Variants in CHD5 observed in about 807,000 individuals in gnomAD.
The protein encoded by CHD5 is chromodomain helicase DNA binding protein 5, also known as ATP-dependent chromatin remodeler CHD5.
In CHD5, 69 loss-of-function variants were observed where a neutral mutation model predicts 230.3. The ratio of observed to expected loss-of-function variants is 0.30; its 90% confidence interval spans 0.25 to 0.37. The LOEUF is 0.37. Ranked by LOEUF, CHD5 falls within the 10% of genes least tolerant of loss-of-function variation. The pLI is 1.00. For synonymous variants in CHD5, 1,064 were observed against 1,065.9 expected, an observed-to-expected ratio of 1.00 and a Z score of 0.03; for missense variants, 1,827 against 2,622.8, an observed-to-expected ratio of 0.70 and a Z score of 6.63.
At position 6,150,898 on chromosome 1, in the gene CHD5, C is replaced by T. The variant is rs962608670; in HGVS notation, c.994+134G>A. 7 of 1,171,488 alleles carry T rather than the reference C, an allele frequency of 6.0e-6. No homozygotes were observed. The African/African-American group carries it at 6.3e-5, about 11-fold the overall frequency. 72.6% of individuals were successfully genotyped at this position (1,171,488 alleles called of 1,614,324 possible). ...GGCTGAGACATGAGGATGCCCTCCC[C>T]CTGCTTCCCACGGGGAGGTTCCATG... On this transcript the variant is annotated intron_variant, in intron 7 of 41. Coordinates refer to ENST00000262450, the MANE Select transcript of CHD5 (RefSeq NM_015557.3).
chr1:6,111,703 C>T, intron 36 of CHD5, 72 bp downstream of exon 36: 2 of 1,222,792 alleles, frequency 1.6e-6, no homozygotes, highest in Non-Finnish European at 2.4e-6. Flanking sequence ...CCCCGGAGCT[C>T]TCAGAGGGCT....
intron 2 of CHD5, among the ~76,000 whole-genome samples, chr1:6,164,218 C>T (rs1247044865): frequency 2.0e-5 from 3 of 152,216 alleles, no homozygotes; most frequent in South Asian, 4.1e-4. Context: ...CTCCTAAAAA[C>T]GGAGACATTT....
Position 6,130,790 on chromosome 1 carries a change from C to T in CHD5, c.3263-462G>A, listed in dbSNP as rs1268184084. On this transcript the variant is annotated intron_variant, in intron 21 of 41. Coordinates refer to ENST00000262450, the MANE Select transcript of CHD5 (RefSeq NM_015557.3). This position sits in a 1 kb window ranked among gnomAD's most constrained non-coding sequence, Gnocchi z 4.9. ...CCCACCCCACTGGGCAACCCTGTCA[C>T]AGGATGGCTGGTTCTCAGCCTCTCA... 6.6e-6 allele frequency among the ~76,000 whole-genome samples: 1 copy of T among 152,182 alleles called. No homozygotes were observed. The highest frequency in any genetic ancestry group is 2.4e-5 in the African/African-American group (1 of 41,450).
In CHD5 at chr1:6,121,464, C is replaced by G. The variant is rs771001796; in HGVS notation, c.4779+30G>C. On this transcript the variant is annotated intron_variant, in intron 32 of 41. Transcript: ENST00000262450. This position sits in a 1 kb window ranked among gnomAD's most constrained non-coding sequence, Gnocchi z 4.5. ...GACCCAACCTCCACCCCACACACACCACAGGCCCAGACGCCAGCAAGTTCC... is the reference window on the plus strand; with the variant it reads ...GACCCAACCTCCACCCCACACACACGACAGGCCCAGACGCCAGCAAGTTCC... 1 of 1,592,030 alleles carries G rather than the reference C, an allele frequency of 6.3e-7. No homozygotes were observed. Among genetic ancestry groups the G allele is most frequent in the Admixed American group, 1.7e-5 (1 of 57,304 alleles).
Position 6,106,236 on chromosome 1 carries a change from C to T in CHD5, c.*44G>A, listed in dbSNP as rs747588035. The T allele has an allele frequency of 2.7e-5, 43 of 1,612,472 alleles. 2 individuals carry two copies. In the South Asian group the frequency reaches 4.5e-4, roughly 17 times the overall value. ...ACACAGCACCCAGCAGCCCTCACCT[C>T]AGCTGGAAATGAGCGCTGCAACACA... On this transcript the variant is annotated splice_region_variant and 3_prime_UTR_variant, in exon 41 of 42. Transcript: ENST00000262450.
intron 15 of CHD5, among the ~76,000 whole-genome samples, chr1:6,141,531 C>T (rs937908098): frequency 1.3e-5 from 2 of 148,972 alleles, no homozygotes; most frequent in Non-Finnish European, 3.0e-5. Context: ...GGGAGAACCA[C>T]TTGAGCCCAG....
chr1:6,106,812 A>G, intron 38 of CHD5, 33 bp from the exon 39 acceptor site: 1 of 1,291,836 alleles, frequency 7.7e-7, no homozygotes, highest in Middle Eastern at 2.9e-4. Context: ...GGTAGGATGC[A>G]GGGATGGAGG....
chr1:6,175,147 C>A (rs1427542786), intron 1 of CHD5, among the ~76,000 whole-genome samples: 3 of 119,406 alleles, frequency 2.5e-5, no homozygotes, highest in Non-Finnish European at 5.2e-5. Flanking sequence ...GGATGGATGG[C>A]AGATGGATGG....
chr1:6,146,537 T>C lies in CHD5; in HGVS notation c.1591-114A>G. 2.2e-6 allele frequency: 3 copies of C among 1,392,246 alleles called. No individual in the cohort carries two copies. In the East Asian group the frequency reaches 7.0e-5, roughly 32 times the overall value. The allele number at this position is 1,392,246 out of a possible 1,614,324, so 86.2% of individuals were successfully genotyped here. The stretch of plus-strand genomic sequence containing the variant: ...GTCCCAGGCAGGACAATCCTCCCGC[T>C]CAGCACCACCCCAACTCCCAACAGC... On this transcript the variant is annotated intron_variant, in intron 10 of 41. Transcript: ENST00000262450. This position sits in a 1 kb window ranked among gnomAD's most constrained non-coding sequence, Gnocchi z 5.1.
At chr1:6,161,230 TGCCCTTTCAG>T (rs1667173385) in intron 2 of CHD5, among the ~76,000 whole-genome samples, 2 of 152,062 alleles carry the variant, frequency 1.3e-5, no homozygotes, top group African/African-American at 4.8e-5. Context: ...AGCCCAACTC[TGCCCTTTCAG>T]GCCACACTGT....
chr1:6,128,297 A>G lies in CHD5; in HGVS notation c.3731-79T>C, dbSNP rs190057305. 2.6e-5 allele frequency: 38 copies of G among 1,439,590 alleles called. No homozygotes were observed. The East Asian group carries it at 8.3e-4, about 31-fold the overall frequency. The allele number at this position is 1,439,590 out of a possible 1,614,324, so 89.2% of individuals were successfully genotyped here. On this transcript the variant is annotated intron_variant, in intron 24 of 41. Transcript: ENST00000262450. This position sits in a 1 kb window ranked among gnomAD's most constrained non-coding sequence, Gnocchi z 7.8. ...GGGGTCCCAGGAACAGACTCCCAAC[A>G]ATGGCCCTTCCCATCCCCAGCAGGG...
chr1:6,116,167 A>G (rs980867170), intron 33 of CHD5, among the ~76,000 whole-genome samples: 2 of 152,206 alleles, frequency 1.3e-5, no homozygotes, highest in African/African-American at 2.4e-5. Flanking sequence ...CACGGAATGA[A>G]GCTTTCAGCT....
intron 38 of CHD5, among the ~76,000 whole-genome samples, chr1:6,109,505 T>C (rs1666251044): frequency 6.6e-6 from 1 of 152,188 alleles, no homozygotes; most frequent in African/African-American, 2.4e-5. Context: ...CTGTCAGGAC[T>C]CAGAAGCCTT....
At position 6,104,704 on chromosome 1, in the gene CHD5, A is replaced by C. The variant is rs1666133197; in HGVS notation, c.*770T>G. ...GCCACAGGCCCCCCACTGGTAACAG[A>C]GTCCAGGGCCTTCAAGATGCGCTGG... On this transcript the variant is annotated 3_prime_UTR_variant, in exon 42 of 42. Transcript: ENST00000262450. The C allele has an allele frequency of 1.3e-5, 2 of 151,518 alleles. No homozygotes were observed. Among genetic ancestry groups the C allele is most frequent in the South Asian group, 4.2e-4 (2 of 4,802 alleles). The allele number at this position is 151,518 out of a possible 1,614,324, so 9.4% of individuals were successfully genotyped here.
At chr1:6,149,539 G>A (rs1048616936) in intron 7 of CHD5, 127 bp from the exon 8 acceptor site, 11 of 873,522 alleles carry the variant, frequency 1.3e-5, no homozygotes, top group Non-Finnish European at 1.5e-5. Flanking sequence ...AAGGTGGGTG[G>A]GTGAATAGAC....
rs1481611568 is a variant in CHD5, at chr1:6,129,659, GCATT to G, written c.3387+541_3387+544del. On this transcript the variant is annotated intron_variant, in intron 22 of 41. Coordinates refer to ENST00000262450, the MANE Select transcript of CHD5 (RefSeq NM_015557.3). This position sits in a 1 kb window ranked among gnomAD's most constrained non-coding sequence, Gnocchi z 6.8. ...TGTATGTGTTCCCCTACATTTGTAA[GCATT>G]CAATGTGTGTGTCCCAGCGCCCGAG... 5.9e-5 allele frequency among the ~76,000 whole-genome samples: 9 copies of G among 152,256 alleles called. No individual in the cohort carries two copies.
chr1:6,128,949 G>C lies in CHD5; in HGVS notation c.3508C>G (p.His1170Asp). ...CCGAGGCCGGGCCGCACCACCAGGT[G>C]GGTGAGCATCATCTTGCGCTTGGCC... is the stretch of plus-strand genomic sequence containing the variant. The part of the protein sequence containing the change: ...QVAKRKMMLT[H>D]LVVRPGLGSK... Residue 1170 changes from histidine to aspartate, a missense_variant, in exon 23 of 42, where the codon CAC (histidine) becomes GAC (aspartate). Transcript: ENST00000262450. The surrounding 1 kb of genome is among the most constrained non-coding windows in gnomAD (Gnocchi z 7.8). 6.2e-7 allele frequency: 1 copy of C among 1,613,244 alleles called. No homozygotes were observed. The highest frequency in any genetic ancestry group is 8.5e-7 in the Non-Finnish European group (1 of 1,179,998).
rs778776394 is a variant in CHD5, at chr1:6,155,535, C to T, written c.506+64G>A. On this transcript the variant is annotated intron_variant, in intron 4 of 41. Coordinates refer to ENST00000262450, the MANE Select transcript of CHD5 (RefSeq NM_015557.3). The surrounding 1 kb of genome is among the most constrained non-coding windows in gnomAD (Gnocchi z 4.0). ...TGCCGGGGCTTCACTCCTCTGCCTC[C>T]CTCCCGACTTGGTACCACCAGAGGA... 7.1e-7 allele frequency: 1 copy of T among 1,412,954 alleles called. No individual in the cohort carries two copies. Among genetic ancestry groups the T allele is most frequent in the Non-Finnish European group, 1.0e-6 (1 of 998,976 alleles). 87.5% of individuals were successfully genotyped at this position (1,412,954 alleles called of 1,614,324 possible).
Position 6,159,429 on chromosome 1 carries a change from C to T in CHD5, c.294G>A (p.Lys98=). 1 of 1,570,608 alleles carries T rather than the reference C, an allele frequency of 6.4e-7. No homozygotes were observed. Among genetic ancestry groups the T allele is most frequent in the Non-Finnish European group, 8.7e-7 (1 of 1,154,998 alleles). Residue 98 remains lysine (K), a synonymous_variant, in exon 3 of 42, where the codon AAG becomes AAA. Transcript: ENST00000262450. Reference sequence around the variant, plus strand: ...TCTTGTCCTTGAGTTTCTTCTTCTTCTTTTTATTCGGGGAGTAGTCACTGC... The same window carrying T: ...TCTTGTCCTTGAGTTTCTTCTTCTTTTTTTTATTCGGGGAGTAGTCACTGC... The part of the protein sequence containing the change: ...SEGSDYSPNK[K]KKKKLKDKKE...
Sources: gnomAD v4.1 joint callset for allele counts (sites outside exome capture counted in the v4.1 genomes callset) on GRCh38, gnomAD v4.1.1 for gene constraint, Gnocchi (gnomAD v3.1) non-coding constraint, MANE v1.5 for transcripts, NCBI Gene and HGNC (gene_info 2026-07-23, HGNC 2026-07-21) for gene names.